KLHL26: variants seen among roughly 807,000 people sequenced by gnomAD.
The protein encoded by KLHL26 is kelch-like protein 26.
KLHL26 carries 4 observed loss-of-function variants against 7.1 expected under a neutral mutation model. The observed-to-expected ratio is 0.56, with a 90% CI of 0.28 to 1.28. The LOEUF (loss-of-function observed/expected upper bound fraction) is 1.28. KLHL26 is among the 50% of genes most tolerant of loss of function. The pLI, the probability that KLHL26 is intolerant of heterozygous loss-of-function variation, is 0.11. For synonymous variants in KLHL26, 465 were observed against 414.1 expected, an observed-to-expected ratio of 1.12 and a Z score of -1.49; for missense variants, 896 against 924.6, an observed-to-expected ratio of 0.97 and a Z score of 0.40.
chr19:18,666,084 T>C (rs1333403536), intron 2 of KLHL26, among the ~76,000 whole-genome samples: 10 of 152,224 alleles, frequency 6.6e-5, no homozygotes, highest in Non-Finnish European at 1.5e-4. Context: ...CTCCCTCCTG[T>C]CGCCTGCGAC....
intron 2 of KLHL26, among the ~76,000 whole-genome samples, chr19:18,665,482 A>G (rs2052438599): frequency 6.6e-6 from 1 of 152,262 alleles, no homozygotes; most frequent in South Asian, 2.1e-4. Context: ...CACCTGGAGC[A>G]GGACAGCTGG....
chr19:18,640,030 T>C (rs1316731704), intron 1 of KLHL26, among the ~76,000 whole-genome samples: 2 of 151,670 alleles, frequency 1.3e-5, no homozygotes, highest in Non-Finnish European at 2.9e-5. Flanking sequence ...ATAAACAAAC[T>C]GTGTCCGTCC....
At chr19:18,663,331 G>A (rs2052410859) in intron 1 of KLHL26, among the ~76,000 whole-genome samples, 1 of 152,192 alleles carries the variant, frequency 6.6e-6, no homozygotes, top group South Asian at 2.1e-4. Context: ...TGGAAGGGTG[G>A]TCTGAAGGGG....
chr19:18,643,173 G>A (rs1416658485), intron 1 of KLHL26, among the ~76,000 whole-genome samples: 3 of 151,848 alleles, frequency 2.0e-5, no homozygotes, highest in African/African-American at 7.2e-5. Context: ...GGCCGGGCGC[G>A]GTGGCTCATG....
Position 18,668,846 on chromosome 19 carries a change from C to A in KLHL26, c.1449C>A (p.Pro483=). 6.3e-7 allele frequency: 1 copy of A among 1,592,196 alleles called. No homozygotes were observed. The change falls in exon 3 of 3, where the codon CCC becomes CCA. Residue 483 remains proline, a synonymous_variant. Coordinates refer to ENST00000300976, the MANE Select transcript of KLHL26 (RefSeq NM_018316.3). The part of the protein sequence containing the change: ...EDKKALHCYD[P]VADQWEFKAP... ...AGAAGGCCCTGCACTGCTACGACCCCGTGGCCGACCAGTGGGAGTTCAAGG... is the reference window on the plus strand; with the variant it reads ...AGAAGGCCCTGCACTGCTACGACCCAGTGGCCGACCAGTGGGAGTTCAAGG...
At chr19:18,642,748 C>T (rs1461737972) in intron 1 of KLHL26, among the ~76,000 whole-genome samples, 1 of 151,292 alleles carries the variant, frequency 6.6e-6, no homozygotes, top group Non-Finnish European at 1.5e-5. Context: ...TCGTAGCTAC[C>T]TGCAGCCTTC....
intron 1 of KLHL26, among the ~76,000 whole-genome samples, chr19:18,660,435 C>T (rs1372935708): frequency 3.3e-5 from 5 of 152,208 alleles, no homozygotes; most frequent in East Asian, 3.9e-4. Context: ...CGATGACTCA[C>T]GTGCGGGTGA....
rs932535561 is a variant in KLHL26 at position 18,649,727 on chromosome 19, C to G, written c.83+12590C>G. 6.6e-5 allele frequency among the ~76,000 whole-genome samples: 10 copies of G among 152,338 alleles called. No homozygotes were observed. The highest frequency in any genetic ancestry group is 2.4e-4 in the African/African-American group (10 of 41,574). ...GCTGTGCGGACCAGCTCTCTTAACACTTGTTAACCCCAGCCTCCAGTCCCT... is the reference window on the plus strand; with the variant it reads ...GCTGTGCGGACCAGCTCTCTTAACAGTTGTTAACCCCAGCCTCCAGTCCCT... On this transcript the variant is annotated intron_variant, in intron 1 of 2. Transcript: ENST00000300976. This position sits in a 1 kb window ranked among gnomAD's most constrained non-coding sequence, Gnocchi z 4.0.
At chr19:18,657,900 T>C (rs1250060697) in intron 1 of KLHL26, among the ~76,000 whole-genome samples, 1 of 151,996 alleles carries the variant, frequency 6.6e-6, no homozygotes, top group Non-Finnish European at 1.5e-5. Flanking sequence ...GGCCGGAGCG[T>C]TTGAGGGCCA....
chr19:18,664,614 C>A (rs557033067), intron 2 of KLHL26, among the ~76,000 whole-genome samples, 171 bp downstream of exon 2: 1 of 151,678 alleles, frequency 6.6e-6, no homozygotes, highest in Admixed American at 6.6e-5. Context: ...TGGAGTCTCG[C>A]GCTGTTGCCC....
At position 18,668,084 on chromosome 19, in the gene KLHL26, G is replaced by T; in HGVS notation, c.687G>T (p.Ala229=). ...GTGCCGAGATCGACCTGTTCCGCGCGGCCGTCCGCTGGCTGCAGCATGACC... is the reference window on the plus strand; with the variant it reads ...GTGCCGAGATCGACCTGTTCCGCGCTGCCGTCCGCTGGCTGCAGCATGACC... ...QSCAEIDLFR[A]AVRWLQHDPA... Residue 229 remains alanine (A), a synonymous_variant, in exon 3 of 3, where the codon GCG becomes GCT. Transcript: ENST00000300976. 6.2e-7 allele frequency: 1 copy of T among 1,605,404 alleles called. No individual in the cohort carries two copies. The highest frequency in any genetic ancestry group is 8.5e-7 in the Non-Finnish European group (1 of 1,179,814).
chr19:18,656,569 C>T lies in KLHL26; in HGVS notation c.84-7692C>T, dbSNP rs1303593628. ...AAGGACAGACAGGCAGGGAATGGCT[C>T]CAGATCAGGAGGCTGGGAGGAAGGG... is the stretch of plus-strand genomic sequence containing the variant. On this transcript the variant is annotated intron_variant, in intron 1 of 2. Coordinates refer to ENST00000300976, the MANE Select transcript of KLHL26 (RefSeq NM_018316.3). This position sits in a 1 kb window ranked among gnomAD's most constrained non-coding sequence, Gnocchi z 4.4. 1.3e-5 allele frequency among the ~76,000 whole-genome samples: 2 copies of T among 152,246 alleles called. No individual in the cohort carries two copies. The highest frequency in any genetic ancestry group is 4.8e-5 in the African/African-American group (2 of 41,556).
In KLHL26 at chr19:18,666,593, C is replaced by G. The variant is rs1050724695; in HGVS notation, c.267-1071C>G. On this transcript the variant is annotated intron_variant, in intron 2 of 2. Transcript: ENST00000300976. ...CCCCTCCCACTCTCATGTTCTGCCTCGCAGAGCACAGCAGTACAAGGGCGG... is the reference window on the plus strand; with the variant it reads ...CCCCTCCCACTCTCATGTTCTGCCTGGCAGAGCACAGCAGTACAAGGGCGG... Among the ~76,000 whole-genome samples the G allele has an allele frequency of 1.2e-4, 19 of 152,280 alleles. No individual in the cohort carries two copies. In the South Asian group the frequency reaches 2.5e-3, roughly 20 times the overall value.
chr19:18,668,923 G>A lies in KLHL26; in HGVS notation c.1526G>A (p.Arg509His), dbSNP rs201304510. 1.2e-6 allele frequency: 2 copies of A among 1,607,336 alleles called. No homozygotes were observed. Among genetic ancestry groups the A allele is most frequent in the East Asian group, 2.2e-5 (1 of 44,868 alleles). Residue 509 changes from arginine (R) to histidine (H), a missense_variant, in exon 3 of 3, where the codon CGC becomes CAC. Physicochemically the swap from Arg to His is conservative, Grantham distance 29. Transcript: ENST00000300976. ...CACGCCATGGTGGGTGCCGGCGGCCGCATCTATGCCCTCGGGGGCCGCATG... is the reference window on the plus strand; with the variant it reads ...CACGCCATGGTGGGTGCCGGCGGCCACATCTATGCCCTCGGGGGCCGCATG... The part of the protein sequence containing the change: ...VLHAMVGAGG[R>H]IYALGGRMDH...
At chr19:18,640,005 C>T (rs1265010429) in intron 1 of KLHL26, among the ~76,000 whole-genome samples, 1 of 151,360 alleles carries the variant, frequency 6.6e-6, no homozygotes, top group Admixed American at 6.6e-5. Flanking sequence ...TGTTCTTTTT[C>T]ACTGTGGAGT....
At chr19:18,662,584 G>A (rs1033811056) in intron 1 of KLHL26, among the ~76,000 whole-genome samples, 8 of 152,232 alleles carry the variant, frequency 5.3e-5, no homozygotes, top group African/African-American at 1.2e-4. Flanking sequence ...TGCAGGATGC[G>A]GCTTTGGCCC....
At chr19:18,651,831 T>C (rs2052261201) in intron 1 of KLHL26, among the ~76,000 whole-genome samples, 1 of 152,256 alleles carries the variant, frequency 6.6e-6, no homozygotes, top group Non-Finnish European at 1.5e-5. Context: ...TTGCCTGAAC[T>C]GTGGAGTGAA....
chr19:18,657,235 G>C (rs966367168), intron 1 of KLHL26, among the ~76,000 whole-genome samples: 12 of 150,456 alleles, frequency 8.0e-5, no homozygotes, highest in Admixed American at 4.0e-4. Context: ...CTGTCTCCCT[G>C]TCTCTGGGTC....
Position 18,650,888 on chromosome 19 carries a change from C to T in KLHL26, c.84-13373C>T, listed in dbSNP as rs1271073167. ...TCAGAATGGCCCTCAGCGGGGCTTCCTGACCCCTCAGCCCCGGTAGGAAGC... is the reference window on the plus strand; with the variant it reads ...TCAGAATGGCCCTCAGCGGGGCTTCTTGACCCCTCAGCCCCGGTAGGAAGC... On this transcript the variant is annotated intron_variant, in intron 1 of 2. Transcript: ENST00000300976. The surrounding 1 kb of genome is among the most constrained non-coding windows in gnomAD (Gnocchi z 4.2). 6.6e-6 allele frequency among the ~76,000 whole-genome samples: 1 copy of T among 152,240 alleles called. No homozygotes were observed. Among genetic ancestry groups the T allele is most frequent in the East Asian group, 1.9e-4 (1 of 5,182 alleles).
Sources: allele counts gnomAD v4.1 joint callset (sites outside exome capture counted in the v4.1 genomes callset), GRCh38; gene constraint gnomAD v4.1.1; non-coding constraint Gnocchi (gnomAD v3.1); transcripts MANE v1.5; gene names NCBI Gene and HGNC (gene_info 2026-07-23, HGNC 2026-07-21).